TMTC2: variants seen among roughly 807,000 people sequenced by gnomAD.
The protein encoded by TMTC2 is protein O-mannosyl-transferase TMTC2.
A neutral mutation model predicts 82.4 loss-of-function variants in TMTC2; 43 were observed. The observed-to-expected ratio is 0.52, with a 90% CI of 0.41 to 0.67. TMTC2 has a LOEUF of 0.67. Ranked by LOEUF, TMTC2 falls within the 30% of genes least tolerant of loss-of-function variation. The pLI, the probability that TMTC2 is intolerant of heterozygous loss-of-function variation, is 0.00. For missense variants in TMTC2, 919 were observed against 1,012.4 expected (o/e 0.91, Z 1.25); for synonymous variants, 408 against 381.9 (o/e 1.07, Z -0.80).
chr12:83,005,304 G>A, intron 8 of TMTC2, among the ~76,000 whole-genome samples: 1 of 148,040 alleles, frequency 6.8e-6, no homozygotes. Context: ...ACTCCAGCCT[G>A]GGAAACGCAA....
At chr12:82,860,569 T>C (rs1036005724) in intron 2 of TMTC2, among the ~76,000 whole-genome samples, 4 of 152,228 alleles carry the variant, frequency 2.6e-5, no homozygotes, top group African/African-American at 9.6e-5. Context: ...AAGGCAGCTA[T>C]AGTTCTCTCC....
chr12:82,907,932 T>C (rs1299701213), intron 3 of TMTC2, among the ~76,000 whole-genome samples: 1 of 151,874 alleles, frequency 6.6e-6, no homozygotes, highest in Non-Finnish European at 1.5e-5. Context: ...GCCAATATGG[T>C]GAAATCCCAT....
At chr12:83,080,443 A>T (rs1221671180) in intron 11 of TMTC2, among the ~76,000 whole-genome samples, 2 of 152,162 alleles carry the variant, frequency 1.3e-5, no homozygotes, top group African/African-American at 4.8e-5. Flanking sequence ...AATTTGTAGA[A>T]TAAACACGAT....
chr12:82,778,899 T>C (rs1877744034), intron 1 of TMTC2, among the ~76,000 whole-genome samples: 1 of 140,978 alleles, frequency 7.1e-6, no homozygotes, highest in Non-Finnish European at 1.5e-5. Context: ...CAGTTGGATG[T>C]GGTGGCATGC....
intron 4 of TMTC2, among the ~76,000 whole-genome samples, chr12:82,932,145 T>G (rs539905775): frequency 6.6e-6 from 1 of 152,290 alleles, no homozygotes; most frequent in South Asian, 2.1e-4. Context: ...CACAGATACT[T>G]AAAAAAATAA....
At chr12:82,941,071 A>G (rs1007888130) in intron 4 of TMTC2, among the ~76,000 whole-genome samples, 1 of 152,210 alleles carries the variant, frequency 6.6e-6, no homozygotes, top group Non-Finnish European at 1.5e-5. Context: ...TAAAGGGAAC[A>G]TGATATCATA....
At chr12:82,904,391 A>G (rs1008267004) in intron 3 of TMTC2, among the ~76,000 whole-genome samples, 1 of 152,226 alleles carries the variant, frequency 6.6e-6, no homozygotes, top group African/African-American at 2.4e-5. Flanking sequence ...GACAGCTGCC[A>G]GTCATTAACT....
chr12:83,035,244 T>TA (rs1185756091), intron 9 of TMTC2, among the ~76,000 whole-genome samples: 2 of 152,228 alleles, frequency 1.3e-5, no homozygotes, highest in Non-Finnish European at 2.9e-5. Flanking sequence ...TGCTATCAGT[T>TA]ACTTGTGTTT....
intron 4 of TMTC2, among the ~76,000 whole-genome samples, chr12:82,958,341 CA>C (rs1315804640): frequency 2.0e-5 from 2 of 101,732 alleles, no homozygotes; most frequent in East Asian, 6.6e-4. Context: ...GGTGACAGAG[CA>C]AGAGTCTGTC....
chr12:82,984,976 C>A (rs1879091835), intron 7 of TMTC2, among the ~76,000 whole-genome samples: 1 of 151,680 alleles, frequency 6.6e-6, no homozygotes, highest in Admixed American at 6.6e-5. Context: ...TAATAATTGT[C>A]ATCTGTTTAT....
At chr12:82,929,103 C>T (rs1875880073) in intron 3 of TMTC2, among the ~76,000 whole-genome samples, 1 of 151,958 alleles carries the variant, frequency 6.6e-6, no homozygotes, top group African/African-American at 2.4e-5. Context: ...GAGAGAGGGC[C>T]TCACTCTGTC....
intron 8 of TMTC2, among the ~76,000 whole-genome samples, chr12:82,989,107 C>CA (rs1403468290): frequency 2.0e-5 from 3 of 149,898 alleles, no homozygotes; most frequent in Non-Finnish European, 3.0e-5. Flanking sequence ...AAAAAGAAAC[C>CA]AAAAAAAGCA....
chr12:82,963,896 T>C (rs1878068354), intron 4 of TMTC2, among the ~76,000 whole-genome samples: 1 of 140,750 alleles, frequency 7.1e-6, no homozygotes, highest in Admixed American at 7.2e-5. Context: ...TTCAGATGAC[T>C]TTGTAGCAAC....
chr12:82,973,199 A>C (rs889192710), intron 7 of TMTC2, among the ~76,000 whole-genome samples: 3 of 152,100 alleles, frequency 2.0e-5, no homozygotes, highest in African/African-American at 7.2e-5. Flanking sequence ...TTCCATTGGC[A>C]CTCTTGAAAA....
At chr12:82,980,494 G>C (rs551360666) in intron 7 of TMTC2, among the ~76,000 whole-genome samples, 66 of 151,848 alleles carry the variant, frequency 4.3e-4, no homozygotes, top group African/African-American at 1.5e-3. Flanking sequence ...TTCCAGCAAA[G>C]CATCCTAAAA....
intron 1 of TMTC2, among the ~76,000 whole-genome samples, chr12:82,729,818 C>G (rs998853235): frequency 1.3e-5 from 2 of 152,192 alleles, no homozygotes; most frequent in African/African-American, 2.4e-5. Context: ...TGCTGCTGCT[C>G]ACTCTTTGGG....
At chr12:82,689,860 A>C (rs1223995527) in intron 1 of TMTC2, among the ~76,000 whole-genome samples, 1 of 152,188 alleles carries the variant, frequency 6.6e-6, no homozygotes. Flanking sequence ...TGATGTCTAG[A>C]TAGTATATAT....
chr12:82,926,274 C>T (rs1030128316), intron 3 of TMTC2, among the ~76,000 whole-genome samples: 16 of 152,166 alleles, frequency 1.1e-4, no homozygotes, highest in Admixed American at 3.9e-4. Context: ...CCACTGCGCC[C>T]GGCCACGGGA....
chr12:82,838,332 A>G (rs1222491487), intron 1 of TMTC2, among the ~76,000 whole-genome samples: 1 of 152,354 alleles, frequency 6.6e-6, no homozygotes, highest in Admixed American at 6.5e-5. Flanking sequence ...ATGTAAAAAC[A>G]GTGTTAGTCC....
Sources: allele counts gnomAD v4.1 joint callset (sites outside exome capture counted in the v4.1 genomes callset), GRCh38; gene constraint gnomAD v4.1.1; transcripts MANE v1.5; gene names NCBI Gene and HGNC (gene_info 2026-07-23, HGNC 2026-07-21).